The following RRP1B variants were observed in gnomAD, a reference collection of about 807,000 sequenced individuals.
RRP1B encodes the protein ribosomal RNA processing 1B, also known as ribosomal RNA processing protein 1 homolog B.
RRP1B carries 56 observed loss-of-function variants against 80.2 expected under a neutral mutation model. The ratio of observed to expected loss-of-function variants is 0.70; its 90% CI spans 0.56 to 0.87. The LOEUF is 0.87. Ranked by LOEUF, RRP1B falls within the 40% of genes least tolerant of loss-of-function variation. The pLI, the probability that RRP1B is intolerant of heterozygous loss-of-function variation, is 0.00. For synonymous variants in RRP1B, 351 were observed against 357.6 expected, an observed-to-expected ratio of 0.98 and a Z score of 0.21; for missense variants, 807 against 939.8, an observed-to-expected ratio of 0.86 and a Z score of 1.85.
intron 11 of RRP1B, 108 bp downstream of exon 11, chr21:43,685,897 A>C: frequency 7.2e-7 from 1 of 1,385,330 alleles, no homozygotes; most frequent in Non-Finnish European, 9.9e-7. Context: ...ACTTTACTGA[A>C]AACCTCTGAT....
intron 2 of RRP1B, among the ~76,000 whole-genome samples, chr21:43,671,082 T>C (rs887744015): frequency 6.6e-6 from 1 of 152,024 alleles, no homozygotes; most frequent in Non-Finnish European, 1.5e-5. Flanking sequence ...GTGGTGTGAG[T>C]CAGACTGATG....
chr21:43,676,336 A>G lies in RRP1B; in HGVS notation c.614A>G (p.Asp205Gly). The G allele has an allele frequency of 6.2e-7, 1 of 1,608,362 alleles. No homozygotes were observed. Among genetic ancestry groups the G allele is most frequent in the Non-Finnish European group, 8.5e-7 (1 of 1,175,010 alleles). The part of the protein sequence containing the change: ...PFCKIAAKTK[D>G]HTLVQTIARG... Reference sequence around the variant, plus strand: ...TGCAAAATTGCTGCGAAGACGAAGGAGTAAGTGATTCCCCTGTTCGTTCCT... The same window carrying G: ...TGCAAAATTGCTGCGAAGACGAAGGGGTAAGTGATTCCCCTGTTCGTTCCT... Residue 205 changes from aspartate (D) to glycine (G), a missense_variant and splice_region_variant, in exon 7 of 16, where the codon GAC (aspartate) becomes GGC (glycine). Transcript: ENST00000340648.
At position 43,683,332 on chromosome 21, in the gene RRP1B, G is replaced by A; in HGVS notation, c.850G>A (p.Asp284Asn). The A allele has an allele frequency of 3.7e-6, 6 of 1,614,216 alleles. No individual in the cohort carries two copies. The highest frequency in any genetic ancestry group is 5.1e-6 in the Non-Finnish European group (6 of 1,180,014). The change falls in exon 9 of 16, where the codon GAT (aspartate) becomes AAT (asparagine). Residue 284 changes from aspartate (D) to asparagine (N), a missense_variant. Asp to Asn is a conservative substitution (Grantham distance 23). Coordinates refer to ENST00000340648, the MANE Select transcript of RRP1B (RefSeq NM_015056.3). ...TGGACTCAGTGATGAAAGAGGAAGA[G>A]ATGACTGTGGAACCTTTGAGGACAC... is the stretch of plus-strand genomic sequence containing the variant. Reference protein sequence around the residue: ...KDGLSDERGRDDCGTFEDTGP... With the variant: ...KDGLSDERGRNDCGTFEDTGP...
In RRP1B at chr21:43,669,975, C is replaced by G; in HGVS notation, c.213+9C>G. 1.3e-6 allele frequency: 2 copies of G among 1,585,592 alleles called. No homozygotes were observed. The highest frequency in any genetic ancestry group is 1.3e-5 in the African/African-American group (1 of 74,516). On this transcript the variant is annotated intron_variant, in intron 2 of 15. Transcript: ENST00000340648. ...ATGAACCCCTTCTACAGGTAACATG[C>G]GTTCCCTTTGTCATGCTCCCGGGTT...
chr21:43,663,660 C>T (rs1471442743), intron 1 of RRP1B, among the ~76,000 whole-genome samples: 5 of 152,124 alleles, frequency 3.3e-5, no homozygotes, highest in African/African-American at 9.7e-5. Context: ...CAGGTTCAAG[C>T]GATTATCCTG....
At chr21:43,674,075 G>T in intron 4 of RRP1B, 120 bp downstream of exon 4, 1 of 691,880 alleles carries the variant, frequency 1.4e-6, no homozygotes, top group South Asian at 2.2e-5. Flanking sequence ...TGTGAAGGAA[G>T]AATTTGAATG....
At chr21:43,690,576 C>A in intron 14 of RRP1B, 136 bp downstream of exon 14, 3 of 947,836 alleles carry the variant, frequency 3.2e-6, no homozygotes, top group Non-Finnish European at 4.7e-6. Flanking sequence ...ACAGGTTCCA[C>A]GGCCAGGGTA....
rs376518068 is a variant in RRP1B at position 43,672,304 on chromosome 21, G to A, written c.214-4G>A. On this transcript the variant is annotated splice_polypyrimidine_tract_variant and splice_region_variant and intron_variant, in intron 2 of 15. Transcript: ENST00000340648. ...CATGTTTCTCCCCAACCCCGCCTCT[G>A]CAGGAAGAGCTCGCCAACACCATTG... is the stretch of plus-strand genomic sequence containing the variant. The A allele has an allele frequency of 1.7e-5, 27 of 1,613,980 alleles. No homozygotes were observed. Among genetic ancestry groups the A allele is most frequent in the Non-Finnish European group, 2.1e-5 (25 of 1,179,972 alleles).
Position 43,691,340 on chromosome 21 carries a change from G to C in RRP1B, c.2020-99G>C. 1 of 1,075,748 alleles carries C rather than the reference G, an allele frequency of 9.3e-7. No individual in the cohort carries two copies. The highest frequency in any genetic ancestry group is 1.4e-6 in the Non-Finnish European group (1 of 714,178). 66.6% of individuals were successfully genotyped at this position (1,075,748 alleles called of 1,614,324 possible). A position where few individuals can be genotyped will look rare whatever the true frequency, so the allele number is the denominator to read the frequency against. ...TGCCACTCAGTAAGCAGCAGTGTGGGCGGCATACCCTCCAGGGCAGGTTCT... is the reference window on the plus strand; with the variant it reads ...TGCCACTCAGTAAGCAGCAGTGTGGCCGGCATACCCTCCAGGGCAGGTTCT... On this transcript the variant is annotated intron_variant, in intron 14 of 15. Coordinates refer to ENST00000340648, the MANE Select transcript of RRP1B (RefSeq NM_015056.3). This position sits in a 1 kb window ranked among gnomAD's most constrained non-coding sequence, Gnocchi z 4.2.
At position 43,659,707 on chromosome 21, in the gene RRP1B, C is replaced by G. The variant is rs1437798116; in HGVS notation, c.43C>G (p.Arg15Gly). ...MQPAEIQFAQ[R>G]LASSEKGIRD... The stretch of plus-strand genomic sequence containing the variant: ...GCCGGCCGAGATCCAATTTGCCCAG[C>G]GGCTGGCGTCCAGCGAGAAGGGCAT... The change falls in exon 1 of 16, where the codon CGG (arginine) becomes GGG (glycine). Residue 15 changes from arginine to glycine, a missense_variant. Physicochemically the swap from Arg to Gly is moderately radical, Grantham distance 125. Coordinates refer to ENST00000340648, the MANE Select transcript of RRP1B (RefSeq NM_015056.3). This position sits in a 1 kb window ranked among gnomAD's most constrained non-coding sequence, Gnocchi z 4.2. 6.5e-7 allele frequency: 1 copy of G among 1,530,772 alleles called. No individual in the cohort carries two copies. Among genetic ancestry groups the G allele is most frequent in the South Asian group, 1.2e-5 (1 of 81,772 alleles). 94.8% of individuals were successfully genotyped at this position (1,530,772 alleles called of 1,614,324 possible).
Position 43,691,645 on chromosome 21 carries a change from T to A in RRP1B, c.2083+143T>A, listed in dbSNP as rs570057518. 6.0e-4 allele frequency: 376 copies of A among 625,562 alleles called. 1 individual carries two copies. Among genetic ancestry groups the A allele is most frequent in the African/African-American group, 3.5e-3 (187 of 53,662 alleles). 38.8% of individuals were successfully genotyped at this position (625,562 alleles called of 1,614,324 possible). A position where few individuals can be genotyped will look rare whatever the true frequency, so the allele number is the denominator to read the frequency against. ...CCCATTTCTTTATTTTTATTTTTTT[T>A]TTTTTTTTGAGACAGAGTCTCGCTG... On this transcript the variant is annotated intron_variant, in intron 15 of 15. Coordinates refer to ENST00000340648, the MANE Select transcript of RRP1B (RefSeq NM_015056.3). This position sits in a 1 kb window ranked among gnomAD's most constrained non-coding sequence, Gnocchi z 4.2.
intron 4 of RRP1B, 65 bp downstream of exon 4, chr21:43,674,020 C>T (rs1406934398): frequency 2.5e-6 from 3 of 1,214,740 alleles, no homozygotes; most frequent in East Asian, 2.3e-5. Context: ...ATCTTAAAAA[C>T]AATGGGAAGG....
chr21:43,676,853 T>C lies in RRP1B; in HGVS notation c.735T>C (p.Ser245=). ...CAAAAGTGGGTGATGGTGACCTCTC[T>C]GCTGAGGAGATACCTGAAAATGAGG... ...QKTKVGDGDL[S]AEEIPENEVS... The change falls in exon 8 of 16, where the codon TCT becomes TCC. Residue 245 remains serine, a synonymous_variant. Coordinates refer to ENST00000340648, the MANE Select transcript of RRP1B (RefSeq NM_015056.3). The C allele has an allele frequency of 6.2e-7, 1 of 1,614,232 alleles. No individual in the cohort carries two copies.
In RRP1B at chr21:43,691,124, T is replaced by C. The variant is rs1230219036; in HGVS notation, c.2020-315T>C. On this transcript the variant is annotated intron_variant, in intron 14 of 15. Coordinates refer to ENST00000340648, the MANE Select transcript of RRP1B (RefSeq NM_015056.3). This position sits in a 1 kb window ranked among gnomAD's most constrained non-coding sequence, Gnocchi z 4.2. ...ATCCTCTCTGTTTGCCTTTCTTCCC[T>C]GGATCGTAGAACCCTGCAGCGGTAA... Among the ~76,000 whole-genome samples the C allele has an allele frequency of 2.0e-5, 3 of 152,212 alleles. No homozygotes were observed. The highest frequency in any genetic ancestry group is 7.2e-5 in the African/African-American group (3 of 41,448).
intron 8 of RRP1B, among the ~76,000 whole-genome samples, chr21:43,681,086 C>T (rs1366860051): frequency 6.6e-6 from 1 of 151,748 alleles, no homozygotes; most frequent in Non-Finnish European, 1.5e-5. Flanking sequence ...CCAAAAAGTA[C>T]AAAAATTAGC....
At chr21:43,662,876 C>G (rs1049531569) in intron 1 of RRP1B, among the ~76,000 whole-genome samples, 9 of 152,222 alleles carry the variant, frequency 5.9e-5, no homozygotes, top group African/African-American at 1.9e-4. Flanking sequence ...CTTATCAGTT[C>G]TGCAACTTTA....
chr21:43,678,455 G>T (rs987884222), intron 8 of RRP1B, among the ~76,000 whole-genome samples: 1 of 152,060 alleles, frequency 6.6e-6, no homozygotes, highest in Non-Finnish European at 1.5e-5. Flanking sequence ...CACCGCGCCC[G>T]GCCACCAACA....
At chr21:43,661,528 C>T (rs1468504273) in intron 1 of RRP1B, among the ~76,000 whole-genome samples, 1 of 152,132 alleles carries the variant, frequency 6.6e-6, no homozygotes, top group Non-Finnish European at 1.5e-5. Flanking sequence ...CGTCCTCCCT[C>T]GTTCACCTCC....
In RRP1B at chr21:43,691,600, G is replaced by A; in HGVS notation, c.2083+98G>A. 1 of 999,460 alleles carries A rather than the reference G, an allele frequency of 1.0e-6. No homozygotes were observed. Among genetic ancestry groups the A allele is most frequent in the South Asian group, 1.3e-5 (1 of 76,610 alleles). The allele number at this position is 999,460 out of a possible 1,614,324, so 61.9% of individuals were successfully genotyped here. A position where few individuals can be genotyped will look rare whatever the true frequency, so the allele number is the denominator to read the frequency against. On this transcript the variant is annotated intron_variant, in intron 15 of 15. Coordinates refer to ENST00000340648, the MANE Select transcript of RRP1B (RefSeq NM_015056.3). This position sits in a 1 kb window ranked among gnomAD's most constrained non-coding sequence, Gnocchi z 4.2. ...TTCCACAAGGCGGTCGGGGAAGAGG[G>A]GGGTCCTAGCTCCTCACTGCCCATT...
Sources: gnomAD v4.1 joint callset for allele counts (sites outside exome capture counted in the v4.1 genomes callset) on GRCh38, gnomAD v4.1.1 for gene constraint, Gnocchi (gnomAD v3.1) non-coding constraint, MANE v1.5 for transcripts, NCBI Gene and HGNC (gene_info 2026-07-23, HGNC 2026-07-21) for gene names.